The following DGKA variants were observed in gnomAD, a reference collection of about 807,000 sequenced individuals.
DGKA encodes the protein 80 kDa diacylglycerol kinase.
DGKA carries 35 observed loss-of-function variants against 105.0 expected under a neutral mutation model. The ratio of observed to expected loss-of-function variants is 0.33; its 90% CI spans 0.25 to 0.44. DGKA has a LOEUF of 0.44. Ranked by LOEUF, DGKA falls within the 20% of genes least tolerant of loss-of-function variation. The pLI, the probability that DGKA is intolerant of heterozygous loss-of-function variation, is 1.00. For synonymous variants in DGKA, 296 were observed against 332.0 expected (o/e 0.89, Z 1.18); for missense variants, 665 against 915.0 (o/e 0.73, Z 3.53).
chr12:55,927,357 G>A (rs1258912243), upstream of DGKA: 2 of 727,864 alleles, frequency 2.7e-6, no homozygotes, highest in Non-Finnish European at 4.9e-6. Context: ...AGTCCTCAGG[G>A]AGCCAAGAGA....
intron 3 of DGKA, 106 bp from the exon 4 acceptor site, chr12:55,937,302 T>G (rs530825760): frequency 3.3e-5 from 45 of 1,380,884 alleles, no homozygotes; most frequent in Admixed American, 5.8e-5. Flanking sequence ...CTGCCTCAGA[T>G]GCTTCTCAGC....
At chr12:55,929,181 A>G (rs1883258054), upstream of DGKA, 1 of 152,200 alleles carries the variant, frequency 6.6e-6, no homozygotes, top group South Asian at 2.1e-4. Context: ...CATACGATAC[A>G]CTGTTATTGC....
At chr12:55,934,756 G>A (rs552196095) in intron 1 of DGKA, among the ~76,000 whole-genome samples, 2 of 152,280 alleles carry the variant, frequency 1.3e-5, no homozygotes, top group African/African-American at 2.4e-5. Flanking sequence ...ACTGTCAGGT[G>A]GACACTCTGG....
chr12:55,937,401 AT>A lies in DGKA; in HGVS notation c.139-5del, dbSNP rs1884980558. On this transcript the variant is annotated splice_polypyrimidine_tract_variant and splice_region_variant and intron_variant, in intron 3 of 23. Coordinates refer to ENST00000331886, the MANE Select transcript of DGKA (RefSeq NM_001345.5). ...ACTCCCCAGGATAATGCTCACTCTC[AT>A]TATAGGCCATTGGGTACGAGGGATT... The A allele has an allele frequency of 6.2e-7, 1 of 1,613,288 alleles. No individual in the cohort carries two copies. The highest frequency in any genetic ancestry group is 8.5e-7 in the Non-Finnish European group (1 of 1,179,598).
chr12:55,953,565 C>T (rs150417978), intron 23 of DGKA, 120 bp from the exon 24 acceptor site: 38 of 1,328,928 alleles, frequency 2.9e-5, no homozygotes, highest in East Asian at 2.3e-4. Flanking sequence ...GTTTCCCTAT[C>T]GTGGCCTCTC....
intron 1 of DGKA, among the ~76,000 whole-genome samples, chr12:55,934,159 A>G (rs544635694): frequency 6.6e-6 from 1 of 152,342 alleles, no homozygotes; most frequent in Admixed American, 6.5e-5. Context: ...GAGTTAGATC[A>G]TTGTAAAAAG....
chr12:55,953,308 C>A (rs200467031), intron 22 of DGKA, 42 bp from the exon 23 acceptor site: 1 of 1,612,512 alleles, frequency 6.2e-7, no homozygotes, highest in African/African-American at 1.3e-5. Context: ...TTTTGGTATT[C>A]GATTGGTAAG....
chr12:55,935,140 T>A (rs1884382106), intron 1 of DGKA, among the ~76,000 whole-genome samples: 1 of 152,258 alleles, frequency 6.6e-6, no homozygotes. Flanking sequence ...GTTATGCCAA[T>A]AATTTCCTAT....
intron 17 of DGKA, among the ~76,000 whole-genome samples, chr12:55,944,066 T>C (rs1157347787): frequency 6.6e-6 from 1 of 152,100 alleles, no homozygotes; most frequent in Non-Finnish European, 1.5e-5. Context: ...GAGGCCAAGG[T>C]CAGAAGATCG....
chr12:55,941,422 C>A, intron 14 of DGKA, 88 bp from the exon 15 acceptor site: 4 of 1,582,042 alleles, frequency 2.5e-6, no homozygotes, highest in Non-Finnish European at 3.5e-6. Context: ...GAGGGGCATA[C>A]CTTGAGGAAC....
intron 23 of DGKA, 27 bp from the exon 24 acceptor site, chr12:55,953,658 C>T: frequency 6.2e-7 from 1 of 1,606,698 alleles, no homozygotes; most frequent in Admixed American, 1.7e-5. Context: ...CAGGTCCTGC[C>T]TCTGAATGTG....
Position 55,937,026 on chromosome 12 carries a change from A to G in DGKA, c.74A>G (p.Lys25Arg), listed in dbSNP as rs1039280054. The G allele has an allele frequency of 6.2e-7, 1 of 1,614,024 alleles. No individual in the cohort carries two copies. Among genetic ancestry groups the G allele is most frequent in the Non-Finnish European group, 8.5e-7 (1 of 1,180,018 alleles). The change falls in exon 3 of 24, where the codon AAA (lysine) becomes AGA (arginine). Residue 25 changes from lysine (K) to arginine (R), a missense_variant. Around this residue, in one of 3 missense-constraint regions of DGKA, gnomAD observed 504 missense variants for 681.2 expected, o/e 0.74. Transcript: ENST00000331886. Reference sequence around the variant, plus strand: ...TCTCTCTACACCCTAGACTCCACCAAAAAGGTCAGTGATGTCCTAAAGCTC... The same window carrying G: ...TCTCTCTACACCCTAGACTCCACCAGAAAGGTCAGTGATGTCCTAAAGCTC... ...QLQKYMEYST[K>R]KVSDVLKLFE...
intron 23 of DGKA, 132 bp downstream of exon 23, chr12:55,953,542 T>C: frequency 1.5e-6 from 2 of 1,339,882 alleles, no homozygotes; most frequent in Non-Finnish European, 2.1e-6. Context: ...AAACCCTGAT[T>C]TCTCAGCCCC....
chr12:55,939,253 T>C lies in DGKA; in HGVS notation c.542T>C (p.Val181Ala). The change falls in exon 8 of 24, where the codon GTC (valine) becomes GCC (alanine). Residue 181 changes from valine to alanine, a missense_variant. Physicochemically the swap from Val to Ala is moderately conservative, Grantham distance 64. This residue lies in a region of DGKA where 504 missense variants were observed against 681.2 expected (regional missense o/e 0.74). Coordinates refer to ENST00000331886, the MANE Select transcript of DGKA (RefSeq NM_001345.5). ...GGCTCTGTCTCTCAAGCTGAGTGGG[T>C]CCGGGCTGGGGCCACCACCGTGCCA... is the stretch of plus-strand genomic sequence containing the variant. ...GSGSVSQAEW[V>A]RAGATTVPLL... is the part of the protein sequence containing the mutation. 1 of 1,614,168 alleles carries C rather than the reference T, an allele frequency of 6.2e-7. No homozygotes were observed. Among genetic ancestry groups the C allele is most frequent in the Non-Finnish European group, 8.5e-7 (1 of 1,180,030 alleles).
chr12:55,948,777 A>G (rs555196198), intron 17 of DGKA, among the ~76,000 whole-genome samples: 3 of 152,022 alleles, frequency 2.0e-5, no homozygotes, highest in African/African-American at 7.2e-5. Context: ...TAATCCCAGC[A>G]CTTTGGGAGG....
intron 17 of DGKA, among the ~76,000 whole-genome samples, chr12:55,943,046 G>A (rs780776843): frequency 6.6e-6 from 1 of 152,162 alleles, no homozygotes; most frequent in Admixed American, 6.5e-5. Flanking sequence ...GACTAGTTGA[G>A]CAGAGTCCAG....
Position 55,940,564 on chromosome 12 carries a change from C to T in DGKA, c.919-60C>T. 1 of 1,557,318 alleles carries T rather than the reference C, an allele frequency of 6.4e-7. No individual in the cohort carries two copies. Among genetic ancestry groups the T allele is most frequent in the East Asian group, 2.2e-5 (1 of 44,446 alleles). On this transcript the variant is annotated intron_variant, in intron 11 of 23. Coordinates refer to ENST00000331886, the MANE Select transcript of DGKA (RefSeq NM_001345.5). The surrounding 1 kb of genome is among the most constrained non-coding windows in gnomAD (Gnocchi z 4.3). The stretch of plus-strand genomic sequence containing the variant: ...CAAGGGCTCTTTCCAGCCCAGACTG[C>T]CAGGTTGAGAGGAGACAGGGTTACC...
chr12:55,952,880 T>C lies in DGKA; in HGVS notation c.1890T>C (p.Gly630=), dbSNP rs766716463. ...TCTATGGGATCAACCAGGCCTTAGG[T>C]GCTACAGCTAAAGTCATCACCGACC... ...GDIYGINQAL[G]ATAKVITDPD... Residue 630 remains glycine, a synonymous_variant, in exon 21 of 24, where the codon GGT becomes GGC. Coordinates refer to ENST00000331886, the MANE Select transcript of DGKA (RefSeq NM_001345.5). The surrounding 1 kb of genome is among the most constrained non-coding windows in gnomAD (Gnocchi z 5.1). 3 of 1,613,988 alleles carry C rather than the reference T, an allele frequency of 1.9e-6. No individual in the cohort carries two copies. The highest frequency in any genetic ancestry group is 2.2e-5 in the East Asian group (1 of 44,900).
rs764628791 is a variant in DGKA, at chr12:55,936,881, AT to A, written c.65-131del. 9 of 903,386 alleles carry A rather than the reference AT, an allele frequency of 1.0e-5. No individual in the cohort carries two copies. In the East Asian group the frequency reaches 1.4e-4, roughly 14 times the overall value. The allele number at this position is 903,386 out of a possible 1,614,324, so 56.0% of individuals were successfully genotyped here. A position where few individuals can be genotyped will look rare whatever the true frequency, so the allele number is the denominator to read the frequency against. Reference sequence around the variant, plus strand: ...GGTACTGTTTTGGAGGATCTGAAATATTTTTCCCTCTGTATTTCTGTGTTTC... The same window carrying A: ...GGTACTGTTTTGGAGGATCTGAAATATTTTCCCTCTGTATTTCTGTGTTTC... On this transcript the variant is annotated intron_variant, in intron 2 of 23. Transcript: ENST00000331886.
Sources: allele counts gnomAD v4.1 joint callset (sites outside exome capture counted in the v4.1 genomes callset), GRCh38; gene constraint gnomAD v4.1.1; regional missense constraint gnomAD v4.1.1; non-coding constraint Gnocchi (gnomAD v3.1); transcripts MANE v1.5; gene names NCBI Gene and HGNC (gene_info 2026-07-23, HGNC 2026-07-21).